Variants in BARD1 observed in about 807,000 individuals in gnomAD.
BARD1 encodes the protein BRCA1-associated RING domain protein 1.
BARD1 carries 73 observed loss-of-function variants against 77.0 expected under a neutral mutation model. The ratio of observed to expected loss-of-function variants is 0.95; its 90% CI spans 0.79 to 1.15. The LOEUF (loss-of-function observed/expected upper bound fraction) is 1.15, where lower values mean the gene tolerates loss of function less well. Among genes scored for constraint, BARD1 ranks in the 50% most tolerant of loss-of-function variants. The pLI is 0.00. For synonymous variants in BARD1, 384 were observed against 338.0 expected (o/e 1.14, Z -1.49); for missense variants, 993 against 938.8 (o/e 1.06, Z -0.75).
chr2:214,744,884 G>A (rs1394448676), intron 9 of BARD1, among the ~76,000 whole-genome samples, 183 bp downstream of exon 9: 1 of 152,164 alleles, frequency 6.6e-6, no homozygotes, highest in East Asian at 1.9e-4. Flanking sequence ...GCCCACCTGG[G>A]CCTCCCAAAG....
Position 214,752,574 on chromosome 2 carries a change from A to T in BARD1, c.1569-19T>A. 6.3e-7 allele frequency: 1 copy of T among 1,587,204 alleles called. No individual in the cohort carries two copies. Among genetic ancestry groups the T allele is most frequent in the Non-Finnish European group, 8.7e-7 (1 of 1,155,682 alleles). Reference sequence around the variant, plus strand: ...TATATTACTGGTAAAATAAGTGCAGATGTGTTTAAGTAAGTCAAATGTGTG... The same window carrying T: ...TATATTACTGGTAAAATAAGTGCAGTTGTGTTTAAGTAAGTCAAATGTGTG... On this transcript the variant is annotated intron_variant, in intron 6 of 10. Coordinates refer to ENST00000260947, the MANE Select transcript of BARD1 (RefSeq NM_000465.4).
At chr2:214,792,562 CA>C (rs1290631236) in intron 2 of BARD1, 117 bp from the exon 3 acceptor site, 25 of 965,416 alleles carry the variant, frequency 2.6e-5, no homozygotes, top group Non-Finnish European at 3.8e-5. Context: ...ATACAATGGT[CA>C]ATTGTAATAT....
chr2:214,799,380 T>C (rs1026023916), intron 1 of BARD1, among the ~76,000 whole-genome samples: 24 of 152,350 alleles, frequency 1.6e-4, no homozygotes, highest in African/African-American at 5.8e-4. Flanking sequence ...ACCAAAGTAA[T>C]GTATTCAATA....
chr2:214,780,239 A>G (rs1038933995), intron 4 of BARD1, among the ~76,000 whole-genome samples: 1 of 152,232 alleles, frequency 6.6e-6, no homozygotes, highest in Non-Finnish European at 1.5e-5. Flanking sequence ...GTCTACATTC[A>G]TAAAGCATGA....
chr2:214,760,843 C>T (rs1693924018), intron 6 of BARD1, among the ~76,000 whole-genome samples: 1 of 149,738 alleles, frequency 6.7e-6, no homozygotes, highest in African/African-American at 2.5e-5. Flanking sequence ...GGTGCGGTCT[C>T]GGCTCACTGC....
chr2:214,775,400 T>C, intron 4 of BARD1, among the ~76,000 whole-genome samples: 1 of 152,172 alleles, frequency 6.6e-6, no homozygotes. Context: ...GTAAGCAGAA[T>C]AGTCAGAAAA....
chr2:214,797,559 G>C (rs970645523), intron 1 of BARD1, among the ~76,000 whole-genome samples: 1 of 152,098 alleles, frequency 6.6e-6, no homozygotes, highest in African/African-American at 2.4e-5. Context: ...AAACTTCTGA[G>C]AGTGAAGAGG....
chr2:214,728,635 A>T lies in BARD1; in HGVS notation c.*41T>A. The T allele has an allele frequency of 1.2e-6, 2 of 1,600,680 alleles. 1 individual carries two copies. Among genetic ancestry groups the T allele is most frequent in the South Asian group, 2.2e-5 (2 of 90,372 alleles). On this transcript the variant is annotated 3_prime_UTR_variant, in exon 11 of 11. Transcript: ENST00000260947. ...CAGTACAATGACTGGGCTCTCACAA[A>T]CCGTGCAAATTCAATTTGAAATGTT...
chr2:214,771,495 T>G (rs1694486275), intron 4 of BARD1, among the ~76,000 whole-genome samples: 1 of 152,058 alleles, frequency 6.6e-6, no homozygotes, highest in Admixed American at 6.5e-5. Context: ...TTTGGGAGGC[T>G]GAGGCAGGCA....
Position 214,767,622 on chromosome 2 carries a change from T to C in BARD1, c.1428A>G (p.Val476=), listed in dbSNP as rs1057522429. Residue 476 remains valine (V), a synonymous_variant, in exon 6 of 11, where the codon GTA becomes GTG. Transcript: ENST00000260947. ...CCTTATGCTGGAGCAATAATTCCACTACCTTCAGGTGCCCATGATTGCAAG... is the reference window on the plus strand; with the variant it reads ...CCTTATGCTGGAGCAATAATTCCACCACCTTCAGGTGCCCATGATTGCAAG... ...HEACNHGHLK[V]VELLLQHKAL... 6.2e-7 allele frequency: 1 copy of C among 1,614,072 alleles called. No homozygotes were observed. The highest frequency in any genetic ancestry group is 8.5e-7 in the Non-Finnish European group (1 of 1,179,956).
intron 3 of BARD1, among the ~76,000 whole-genome samples, chr2:214,782,355 G>A (rs1430385244): frequency 2.0e-5 from 3 of 152,000 alleles, no homozygotes; most frequent in African/African-American, 7.2e-5. Flanking sequence ...ACCCCTACAG[G>A]GAAAAGTAGT....
rs2106161382 is a variant in BARD1, at chr2:214,805,214, C to T, written c.158+4198G>A. ...ATTTAAAAGCCCATGAAGCTTCCTTCCACTGGCCCTACCCAAGTACTCTTC... is the reference window on the plus strand; with the variant it reads ...ATTTAAAAGCCCATGAAGCTTCCTTTCACTGGCCCTACCCAAGTACTCTTC... On this transcript the variant is annotated intron_variant, in intron 1 of 10. Coordinates refer to ENST00000260947, the MANE Select transcript of BARD1 (RefSeq NM_000465.4). 2.6e-5 allele frequency among the ~76,000 whole-genome samples: 4 copies of T among 152,314 alleles called. No individual in the cohort carries two copies. The South Asian group carries it at 8.3e-4, about 32-fold the overall frequency.
At chr2:214,759,074 G>C (rs1693829562) in intron 6 of BARD1, among the ~76,000 whole-genome samples, 1 of 152,136 alleles carries the variant, frequency 6.6e-6, no homozygotes, top group South Asian at 2.1e-4. Flanking sequence ...CTATGGAGCA[G>C]GATAAAGCAG....
chr2:214,732,079 A>G lies in BARD1; in HGVS notation c.1904-1571T>C, dbSNP rs111264930. 2.6e-3 allele frequency among the ~76,000 whole-genome samples: 392 copies of G among 152,324 alleles called. 2 individuals are homozygous for G. Among genetic ancestry groups the G allele is most frequent in the African/African-American group, 8.8e-3 (365 of 41,568 alleles). ...AAAATCTATGGCTGCATAAACATAT[A>G]CTTTATATTGAGGATTAGACATATA... On this transcript the variant is annotated intron_variant, in intron 9 of 10. Transcript: ENST00000260947.
intron 4 of BARD1, among the ~76,000 whole-genome samples, chr2:214,771,600 C>T (rs1006120041): frequency 6.6e-6 from 1 of 151,712 alleles, no homozygotes; most frequent in Non-Finnish European, 1.5e-5. Context: ...TGGTGGTACA[C>T]GCCTGTAATC....
rs544035550 is a variant in BARD1, at chr2:214,781,576, G to T, written c.365-67C>A. ...ATTGCTCCCACATGGAGCTCCCGAA[G>T]AATTTTGTTTACAGTTCCCCTAAAG... On this transcript the variant is annotated intron_variant, in intron 3 of 10. Transcript: ENST00000260947. The T allele has an allele frequency of 2.2e-4, 296 of 1,359,168 alleles. 1 individual carries two copies. In the South Asian group the frequency reaches 3.6e-3, roughly 17 times the overall value. 84.2% of individuals were successfully genotyped at this position (1,359,168 alleles called of 1,614,324 possible).
intron 9 of BARD1, among the ~76,000 whole-genome samples, chr2:214,732,102 A>G (rs1692380960): frequency 1.3e-5 from 2 of 152,218 alleles, no homozygotes; most frequent in African/African-American, 4.8e-5. Flanking sequence ...GATTAGACAT[A>G]TATGTTGGAT....
chr2:214,776,574 A>C (rs1022201427), intron 4 of BARD1, among the ~76,000 whole-genome samples: 6 of 152,198 alleles, frequency 3.9e-5, no homozygotes, highest in Admixed American at 3.3e-4. Context: ...GAGAAATGAT[A>C]ATTTTGATTT....
At chr2:214,793,164 A>C (rs893662532) in intron 2 of BARD1, among the ~76,000 whole-genome samples, 1 of 152,168 alleles carries the variant, frequency 6.6e-6, no homozygotes, top group African/African-American at 2.4e-5. Context: ...GTAATGTAAC[A>C]GTTGAAAAGC....
Sources: gnomAD v4.1 joint callset for allele counts (sites outside exome capture counted in the v4.1 genomes callset) on GRCh38, gnomAD v4.1.1 for gene constraint, MANE v1.5 for transcripts, NCBI Gene and HGNC (gene_info 2026-07-23, HGNC 2026-07-21) for gene names.